The following HEATR4 variants were observed in gnomAD, a reference collection of about 807,000 sequenced individuals.
The protein encoded by HEATR4 is HEAT repeat-containing protein 4.
Under a neutral mutation model 108.8 loss-of-function variants are expected in HEATR4, and 95 were observed. The observed-to-expected ratio is 0.87, with a 90% CI of 0.74 to 1.04. The LOEUF is 1.04. HEATR4 is among the 50% of genes least tolerant of loss of function. The probability of loss-of-function intolerance (pLI) is 0.00; values close to 1 mark genes in which losing one functional copy is unlikely to be tolerated. For synonymous variants in HEATR4, 443 were observed against 459.4 expected (o/e 0.96, Z 0.46); for missense variants, 1,152 against 1,253.8 (o/e 0.92, Z 1.23).
At chr14:73,520,623 TA>T in intron 4 of HEATR4, 1 of 437,014 alleles carries the variant, frequency 2.3e-6, no homozygotes, top group Non-Finnish European at 4.1e-6. Flanking sequence ...GCCTCTTTAG[TA>T]AGATAGAGGG....
At chr14:73,538,176 G>A (rs2140310968) in intron 1 of HEATR4, among the ~76,000 whole-genome samples, 1 of 113,438 alleles carries the variant, frequency 8.8e-6, no homozygotes, top group South Asian at 2.8e-4. Context: ...TTTCGTCCCT[G>A]CGCTTTTCAT....
chr14:73,532,404 TTACAGA>T (rs1393364111), intron 1 of HEATR4, among the ~76,000 whole-genome samples: 1 of 116,372 alleles, frequency 8.6e-6, no homozygotes, highest in African/African-American at 2.8e-5. Flanking sequence ...CATAGAAGTC[TTACAGA>T]TACAGAAATT....
At chr14:73,612,934 C>T in the HEATR4 span, 2 of 1,331,000 alleles carry the variant, frequency 1.5e-6, no homozygotes, top group Non-Finnish European at 1.0e-6. Context: ...GGCTGCTGTG[C>T]CTGGCGCAGA....
chr14:73,492,792 CT>C lies in HEATR4; in HGVS notation c.2844+273del. On this transcript the variant is annotated intron_variant, in intron 17 of 17. Transcript: ENST00000553558. This position sits in a 1 kb window ranked among gnomAD's most constrained non-coding sequence, Gnocchi z 4.9. The stretch of plus-strand genomic sequence containing the variant: ...TGCTTGGAAATATACCCCCAGCAAG[CT>C]GATGCCATGGAACTGTTGCTTGGTT... 6.2e-7 allele frequency: 1 copy of C among 1,613,978 alleles called. No individual in the cohort carries two copies. The highest frequency in any genetic ancestry group is 8.5e-7 in the Non-Finnish European group (1 of 1,179,896).
chr14:73,595,098 T>C, the HEATR4 span: 2 of 1,614,154 alleles, frequency 1.2e-6, no homozygotes, highest in African/African-American at 1.3e-5. Context: ...GGAGCTGATA[T>C]TTGTCTCTCA....
intron 10 of HEATR4, 55 bp from the exon 11 acceptor site, chr14:73,503,068 C>T (rs1330961472): frequency 7.2e-7 from 1 of 1,384,338 alleles, no homozygotes; most frequent in African/African-American, 1.4e-5. Context: ...TAATTTTGTG[C>T]TTGGCGTTGT....
chr14:73,581,242 A>C, the HEATR4 span: 1 of 151,670 alleles, frequency 6.6e-6, no homozygotes, highest in Admixed American at 6.6e-5. Context: ...TATTGCTCAC[A>C]GTTTTGGAAG....
At chr14:73,558,384 G>A (rs1300498233) in intron 1 of HEATR4, among the ~76,000 whole-genome samples, 1 of 94,914 alleles carries the variant, frequency 1.1e-5, no homozygotes, top group Non-Finnish European at 2.1e-5. Context: ...TTTTTTTTTT[G>A]AGACAGGGTC....
At chr14:73,486,573 C>T (rs896675790) in intron 17 of HEATR4, among the ~76,000 whole-genome samples, 1 of 152,114 alleles carries the variant, frequency 6.6e-6, no homozygotes, top group African/African-American at 2.4e-5. Flanking sequence ...TGGCCTGCGC[C>T]TGTAATCCCA....
At chr14:73,574,989 A>G in the HEATR4 span, 28 of 1,602,912 alleles carry the variant, frequency 1.7e-5, 2 homozygotes, top group Admixed American at 2.0e-4. Flanking sequence ...CCTGAAGGGC[A>G]TCACGGCTGC....
chr14:73,586,257 G>A, the HEATR4 span, among the ~76,000 whole-genome samples: 2 of 151,448 alleles, frequency 1.3e-5, no homozygotes, highest in African/African-American at 2.4e-5. Flanking sequence ...GCTGGGCATC[G>A]TGGCGCATGC....
At chr14:73,566,566 C>T in the HEATR4 span, among the ~76,000 whole-genome samples, 14,772 of 152,246 alleles carry the variant, frequency 0.097, 1,154 homozygotes, top group Non-Finnish European at 0.14. Context: ...CCTCCGCAGC[C>T]GCTGGCCCAG....
At chr14:73,616,996 G>A in the HEATR4 span, 1 of 689,276 alleles carries the variant, frequency 1.5e-6, no homozygotes, top group Non-Finnish European at 2.6e-6. Flanking sequence ...CCAGGCAGGG[G>A]GCCCTTTCCT....
the HEATR4 span, among the ~76,000 whole-genome samples, chr14:73,593,539 C>T: frequency 6.6e-6 from 1 of 151,716 alleles, no homozygotes; most frequent in South Asian, 2.1e-4. Flanking sequence ...GATGGGGTCT[C>T]ACTACATTGT....
chr14:73,582,422 A>C, the HEATR4 span: 1 of 151,150 alleles, frequency 6.6e-6, no homozygotes, highest in Admixed American at 6.6e-5. Flanking sequence ...TAGGTACTTA[A>C]GGGAGTGACC....
At chr14:73,587,239 A>C in the HEATR4 span, among the ~76,000 whole-genome samples, 1 of 151,942 alleles carries the variant, frequency 6.6e-6, no homozygotes, top group Non-Finnish European at 1.5e-5. Context: ...GTCAAGATAG[A>C]CCGTTGATTG....
chr14:73,593,632 A>G, the HEATR4 span: 1 of 1,426,148 alleles, frequency 7.0e-7, no homozygotes, highest in Non-Finnish European at 9.5e-7. Context: ...CATGAACCAC[A>G]GTGTCCAGCC....
At chr14:73,582,864 T>C in the HEATR4 span, 1 of 152,164 alleles carries the variant, frequency 6.6e-6, no homozygotes, top group East Asian at 1.9e-4. Context: ...CAGTCCATTC[T>C]GCATGTAACT....
intron 7 of HEATR4, among the ~76,000 whole-genome samples, chr14:73,509,874 TTA>T (rs1887129630): frequency 1.2e-5 from 1 of 83,072 alleles, no homozygotes; most frequent in African/African-American, 3.8e-5. Flanking sequence ...ATATATTTAT[TTA>T]TTTTATATAT....
Sources: gnomAD v4.1 joint callset for allele counts (sites outside exome capture counted in the v4.1 genomes callset) on GRCh38, gnomAD v4.1.1 for gene constraint, Gnocchi (gnomAD v3.1) non-coding constraint, MANE v1.5 for transcripts, NCBI Gene and HGNC (gene_info 2026-07-23, HGNC 2026-07-21) for gene names.